ENTREP1: variants seen among roughly 807,000 people sequenced by gnomAD.
The protein encoded by ENTREP1 is Friedreich ataxia region gene X123.
At chr9:69,387,774 G>A in the ENTREP1 span, 61 of 613,598 alleles carry the variant, frequency 9.9e-5, no homozygotes, top group African/African-American at 4.1e-4. Context: ...CTTCATCCTC[G>A]CTCCTTGGAA....
the ENTREP1 span, among the ~76,000 whole-genome samples, chr9:69,344,852 C>T: frequency 3.9e-5 from 6 of 152,240 alleles, no homozygotes; most frequent in African/African-American, 1.4e-4. Flanking sequence ...TTGGCTCCTT[C>T]CTGGGTTCCT....
At chr9:69,358,884 T>G in the ENTREP1 span, among the ~76,000 whole-genome samples, 3 of 147,734 alleles carry the variant, frequency 2.0e-5, no homozygotes, top group Admixed American at 1.4e-4. Flanking sequence ...GCCTTTTTTT[T>G]TCTTTTTCTT....
At chr9:69,359,939 T>TGG in the ENTREP1 span, among the ~76,000 whole-genome samples, 5 of 151,706 alleles carry the variant, frequency 3.3e-5, no homozygotes, top group Admixed American at 3.3e-4. Flanking sequence ...GGCACTGCTG[T>TGG]GGGCAGCTTT....
the ENTREP1 span, among the ~76,000 whole-genome samples, chr9:69,336,529 T>C: frequency 2.0e-5 from 3 of 152,136 alleles, no homozygotes; most frequent in Non-Finnish European, 4.4e-5. Context: ...ATCCTAAAGA[T>C]AGAATTTTAA....
At chr9:69,360,427 A>G in the ENTREP1 span, among the ~76,000 whole-genome samples, 1 of 152,076 alleles carries the variant, frequency 6.6e-6, no homozygotes, top group Non-Finnish European at 1.5e-5. Context: ...GGTCAGAGCA[A>G]TTTTCAGTGT....
the ENTREP1 span, among the ~76,000 whole-genome samples, chr9:69,367,754 TATATATATACACATATATATAA>T: frequency 7.9e-6 from 1 of 127,044 alleles, no homozygotes. Context: ...CATATATAAA[TATATATATACACATATATATAA>T]ATATATATAC....
the ENTREP1 span, among the ~76,000 whole-genome samples, chr9:69,355,566 A>C: frequency 6.6e-6 from 1 of 152,172 alleles, no homozygotes; most frequent in African/African-American, 2.4e-5. Context: ...AGGGTCAGGC[A>C]CTCCAATTAT....
At chr9:69,326,762 C>T in the ENTREP1 span, among the ~76,000 whole-genome samples, 25 of 151,474 alleles carry the variant, frequency 1.7e-4, no homozygotes, top group East Asian at 3.9e-3. Flanking sequence ...CAGAGTTTCC[C>T]CATGTTGCCC....
chr9:69,339,316 T>C, the ENTREP1 span, among the ~76,000 whole-genome samples: 1 of 152,204 alleles, frequency 6.6e-6, no homozygotes, highest in Non-Finnish European at 1.5e-5. Context: ...CCACTATGCC[T>C]GGCTCATATG....
the ENTREP1 span, among the ~76,000 whole-genome samples, chr9:69,345,517 TA>T: frequency 6.6e-6 from 1 of 152,262 alleles, no homozygotes; most frequent in Non-Finnish European, 1.5e-5. Flanking sequence ...ACCACAGTGA[TA>T]TTTTATAATT....
the ENTREP1 span, among the ~76,000 whole-genome samples, chr9:69,344,430 T>A: frequency 6.6e-6 from 1 of 152,168 alleles, no homozygotes; most frequent in Non-Finnish European, 1.5e-5. Flanking sequence ...GCTCTCCAAT[T>A]TGTATTTGGA....
the ENTREP1 span, among the ~76,000 whole-genome samples, chr9:69,345,112 A>T: frequency 1.3e-5 from 2 of 152,196 alleles, no homozygotes; most frequent in Admixed American, 1.3e-4. Context: ...TCCAGTGGGC[A>T]TGCAAAGTAG....
the ENTREP1 span, among the ~76,000 whole-genome samples, chr9:69,357,529 G>T: frequency 6.6e-6 from 1 of 152,340 alleles, no homozygotes; most frequent in East Asian, 1.9e-4. Context: ...TGGCTTGTTG[G>T]CAAGGAGAGC....
At chr9:69,389,853 C>T in the ENTREP1 span, among the ~76,000 whole-genome samples, 1 of 152,114 alleles carries the variant, frequency 6.6e-6, no homozygotes, top group Non-Finnish European at 1.5e-5. Context: ...ATCTTTGTGC[C>T]CCAGGCAGGT....
At chr9:69,376,423 CAG>C in the ENTREP1 span, among the ~76,000 whole-genome samples, 1 of 152,166 alleles carries the variant, frequency 6.6e-6, no homozygotes, top group African/African-American at 2.4e-5. Flanking sequence ...ATTAAACAAA[CAG>C]ATGATCCCAG....
the ENTREP1 span, among the ~76,000 whole-genome samples, chr9:69,332,708 A>G: frequency 2.6e-5 from 4 of 152,234 alleles, no homozygotes; most frequent in African/African-American, 9.6e-5. Flanking sequence ...CTTTGGTTTC[A>G]GAGACACCTC....
At chr9:69,367,694 CAT>C in the ENTREP1 span, among the ~76,000 whole-genome samples, 41 of 94,202 alleles carry the variant, frequency 4.4e-4, no homozygotes, top group Middle Eastern at 6.5e-3. Flanking sequence ...TATATATACA[CAT>C]ATATATAAAT....
the ENTREP1 span, among the ~76,000 whole-genome samples, chr9:69,337,857 T>G: frequency 6.6e-6 from 1 of 152,226 alleles, no homozygotes; most frequent in Non-Finnish European, 1.5e-5. Flanking sequence ...TTAAATAATT[T>G]TCTAAAGTCA....
At chr9:69,369,594 C>CTT in the ENTREP1 span, among the ~76,000 whole-genome samples, 9,153 of 145,138 alleles carry the variant, frequency 0.063, 670 homozygotes, top group African/African-American at 0.18. Flanking sequence ...AGATGATGAG[C>CTT]TTTTTTTTTT....
Sources: gnomAD v4.1 joint callset for allele counts (sites outside exome capture counted in the v4.1 genomes callset) on GRCh38, gnomAD v4.1.1 for gene constraint, MANE v1.5 for transcripts, NCBI Gene and HGNC (gene_info 2026-07-23, HGNC 2026-07-21) for gene names.